The following SREBF2 variants were observed in gnomAD, a reference collection of about 807,000 sequenced individuals.
The protein encoded by SREBF2 is sterol regulatory element-binding protein 2.
A neutral mutation model predicts 113.1 loss-of-function variants in SREBF2; 55 were observed. That is an observed-to-expected ratio of 0.49 (90% CI 0.39 to 0.61). The LOEUF (loss-of-function observed/expected upper bound fraction) is 0.61, where lower values mean the gene tolerates loss of function less well. SREBF2 is among the 20% of genes least tolerant of loss of function. SREBF2 has a pLI of 0.00. For synonymous variants in SREBF2, 593 were observed against 605.7 expected (o/e 0.98, Z 0.31); for missense variants, 1,349 against 1,487.4 (o/e 0.91, Z 1.53).
chr22:41,855,138 A>G (rs1240284660), intron 1 of SREBF2, among the ~76,000 whole-genome samples: 1 of 152,194 alleles, frequency 6.6e-6, no homozygotes, highest in East Asian at 1.9e-4. Flanking sequence ...TTGTTAATGA[A>G]GATAACAGGA....
rs113452738 is a variant in SREBF2 at position 41,881,293 on chromosome 22, T to C, written c.2038+301T>C. 4.6e-3 allele frequency among the ~76,000 whole-genome samples: 700 copies of C among 152,376 alleles called. 1 individual carries two copies. Among genetic ancestry groups the C allele is most frequent in the Non-Finnish European group, 7.1e-3 (480 of 68,034 alleles). The stretch of plus-strand genomic sequence containing the variant: ...TTTTCTTTAGTGATACTTAAATTAA[T>C]GGTGAGACTTAAAATTGCTGACATC... On this transcript the variant is annotated intron_variant, in intron 10 of 18. Transcript: ENST00000361204.
intron 15 of SREBF2, chr22:41,899,035 C>A: frequency 1.6e-6 from 1 of 614,378 alleles, no homozygotes; most frequent in Non-Finnish European, 2.7e-6. Context: ...TCCGGGTCCT[C>A]CTCCCTGCAG....
At chr22:41,850,535 C>T (rs1240089717) in intron 1 of SREBF2, among the ~76,000 whole-genome samples, 2 of 151,816 alleles carry the variant, frequency 1.3e-5, no homozygotes, top group Non-Finnish European at 1.5e-5. Context: ...CCGAGTCTGT[C>T]TTACAGCTTT....
intron 1 of SREBF2, among the ~76,000 whole-genome samples, chr22:41,841,902 A>C (rs546220680): frequency 6.6e-6 from 1 of 152,222 alleles, no homozygotes; most frequent in African/African-American, 2.4e-5. Flanking sequence ...ACACCTGTGT[A>C]CCTGTTGAAC....
chr22:41,869,923 G>A (rs866586228), intron 3 of SREBF2, among the ~76,000 whole-genome samples: 2 of 149,662 alleles, frequency 1.3e-5, no homozygotes, highest in Non-Finnish European at 3.0e-5. Context: ...GCACGATCTC[G>A]GCTCACTGTG....
At chr22:41,838,389 T>C (rs2076798031) in intron 1 of SREBF2, among the ~76,000 whole-genome samples, 1 of 152,160 alleles carries the variant, frequency 6.6e-6, no homozygotes, top group Non-Finnish European at 1.5e-5. Flanking sequence ...TAGGGAATTG[T>C]TGAAGATTTT....
intron 11 of SREBF2, among the ~76,000 whole-genome samples, chr22:41,890,075 T>C (rs538896595): frequency 1.3e-5 from 2 of 152,108 alleles, no homozygotes; most frequent in Admixed American, 1.3e-4. Context: ...AATATTCTTT[T>C]ATTTATTTAT....
chr22:41,854,224 C>T (rs192600820), intron 1 of SREBF2, among the ~76,000 whole-genome samples: 37 of 151,486 alleles, frequency 2.4e-4, no homozygotes, highest in African/African-American at 7.0e-4. Context: ...AGTGCAGTGG[C>T]GCGATCTCGA....
intron 15 of SREBF2, chr22:41,899,300 A>G (rs2077443826): frequency 6.7e-6 from 7 of 1,045,666 alleles, no homozygotes; most frequent in East Asian, 7.7e-5. Context: ...CCTTTAGCAC[A>G]TGGCATAACC....
intron 1 of SREBF2, among the ~76,000 whole-genome samples, chr22:41,849,207 T>A (rs927551800): frequency 1.3e-5 from 2 of 152,002 alleles, no homozygotes; most frequent in African/African-American, 2.4e-5. Context: ...TTATTTATTT[T>A]TTGGAGATGG....
rs923844206 is a variant in SREBF2 at position 41,835,252 on chromosome 22, A to G, written c.88+1894A>G. ...TCATAGCACAAACTCTTAGGCTCAAATGATCCTCCTGCCTTGGCCTCCCAA... is the reference window on the plus strand; with the variant it reads ...TCATAGCACAAACTCTTAGGCTCAAGTGATCCTCCTGCCTTGGCCTCCCAA... On this transcript the variant is annotated intron_variant, in intron 1 of 18. Transcript: ENST00000361204. Among the ~76,000 whole-genome samples, 18 of 27,716 alleles carry G rather than the reference A, an allele frequency of 6.5e-4. 1 individual carries two copies. Among genetic ancestry groups the G allele is most frequent in the Non-Finnish European group, 1.1e-3 (16 of 14,190 alleles). 18.2% of individuals were successfully genotyped at this position (27,716 alleles called of 152,430 possible).
chr22:41,870,161 TCTTA>T (rs2077126443), intron 3 of SREBF2, among the ~76,000 whole-genome samples: 1 of 152,206 alleles, frequency 6.6e-6, no homozygotes, highest in Non-Finnish European at 1.5e-5. Flanking sequence ...GCCTATATTT[TCTTA>T]CTAACAATTT....
chr22:41,904,678 G>T, intron 17 of SREBF2, 185 bp from the exon 18 acceptor site: 1 of 714,442 alleles, frequency 1.4e-6, no homozygotes, highest in Non-Finnish European at 2.6e-6. Flanking sequence ...GTTCAGCCAG[G>T]TTTCCTGCCT....
intron 4 of SREBF2, among the ~76,000 whole-genome samples, chr22:41,872,121 G>C (rs2077150154): frequency 6.6e-6 from 1 of 151,490 alleles, no homozygotes. Context: ...ATGGTGGCGG[G>C]CACCTGTAGT....
chr22:41,866,814 T>C lies in SREBF2; in HGVS notation c.89-17T>C. The C allele has an allele frequency of 6.2e-7, 1 of 1,614,072 alleles. No homozygotes were observed. The highest frequency in any genetic ancestry group is 1.1e-5 in the South Asian group (1 of 91,078). The stretch of plus-strand genomic sequence containing the variant: ...TTTTGGATAGCAATAAAATTACTCC[T>C]TTTCTTTTGTTCACAGAGATGCTGC... On this transcript the variant is annotated splice_polypyrimidine_tract_variant and intron_variant, in intron 1 of 18. Coordinates refer to ENST00000361204, the MANE Select transcript of SREBF2 (RefSeq NM_004599.4).
intron 7 of SREBF2, among the ~76,000 whole-genome samples, chr22:41,876,964 G>A (rs2077202361): frequency 6.6e-6 from 1 of 152,004 alleles, no homozygotes; most frequent in Admixed American, 6.6e-5. Context: ...CTCTTTTGTG[G>A]TAGATTTCTA....
rs749972990 is a variant in SREBF2, at chr22:41,900,280, C to T, written c.2739-50C>T. ...CTGGCTTGGGCCCCTCTGCCTGTCA[C>T]GCAGGTGACACATAGTGACCTGCCT... On this transcript the variant is annotated intron_variant, in intron 15 of 18. Transcript: ENST00000361204. 52 of 1,598,976 alleles carry T rather than the reference C, an allele frequency of 3.3e-5. 1 individual carries two copies. The highest frequency in any genetic ancestry group is 5.5e-5 in the South Asian group (5 of 90,572).
In SREBF2 at chr22:41,897,120, GC is replaced by G; in HGVS notation, c.2570del (p.Pro857HisfsTer55). On this transcript the variant is annotated frameshift_variant, in exon 14 of 19. Coordinates refer to ENST00000361204, the MANE Select transcript of SREBF2 (RefSeq NM_004599.4). LOFTEE classifies it high-confidence loss of function. ...TTTGTGGACTCTGTGGGGGTTATGA[GC>G]CCCCCACTCTCCAGGAGCTCCGTGC... is the stretch of plus-strand genomic sequence containing the variant. ...HSFVDSVGVM[S>X]PPLSRSSVLK... 2 of 1,612,356 alleles carry G rather than the reference GC, an allele frequency of 1.2e-6. No individual in the cohort carries two copies. Among genetic ancestry groups the G allele is most frequent in the African/African-American group, 1.3e-5 (1 of 74,956 alleles).
At chr22:41,905,385 A>G (rs1414414708) in intron 18 of SREBF2, 55 bp from the exon 19 acceptor site, 4 of 1,504,100 alleles carry the variant, frequency 2.7e-6, no homozygotes, top group African/African-American at 2.8e-5. Context: ...ACGCCAAGGA[A>G]CTGCACCAAC....
Sources: gnomAD v4.1 joint callset for allele counts (sites outside exome capture counted in the v4.1 genomes callset) on GRCh38, gnomAD v4.1.1 for gene constraint, MANE v1.5 for transcripts, NCBI Gene and HGNC (gene_info 2026-07-23, HGNC 2026-07-21) for gene names.